Variants in CSDE1 observed in about 807,000 individuals in gnomAD.
CSDE1 encodes cold shock domain containing E1.
CSDE1 carries 17 observed loss-of-function variants against 89.3 expected under a neutral mutation model. The observed-to-expected ratio is 0.19, with a 90% CI of 0.13 to 0.29. CSDE1 has a LOEUF of 0.29. Ranked by LOEUF, CSDE1 falls within the 10% of genes least tolerant of loss-of-function variation. The pLI is 1.00. For missense variants in CSDE1, 672 were observed against 984.2 expected (o/e 0.68, Z 4.24); for synonymous variants, 322 against 332.8 (o/e 0.97, Z 0.35).
At position 114,720,227 on chromosome 1, in the gene CSDE1, G is replaced by A. The variant is rs567701752; in HGVS notation, c.2052+312C>T. 70 of 256,788 alleles carry A rather than the reference G, an allele frequency of 2.7e-4. 1 individual carries two copies. The highest frequency in any genetic ancestry group is 1.3e-3 in the Middle Eastern group (1 of 796). The allele number at this position is 256,788 out of a possible 1,614,324, so 15.9% of individuals were successfully genotyped here. ...CGTGGTTTCTGTGTTTGTGTGATATGCAAAAGAAGCTCTAAGCAAAAGTGT... is the reference window on the plus strand; with the variant it reads ...CGTGGTTTCTGTGTTTGTGTGATATACAAAAGAAGCTCTAAGCAAAAGTGT... On this transcript the variant is annotated intron_variant, in intron 17 of 19. Coordinates refer to ENST00000358528, the MANE Select transcript of CSDE1 (RefSeq NM_001007553.3).
rs566151266 is a variant in CSDE1, at chr1:114,744,431, A to C, written c.1-4541T>G. Among the ~76,000 whole-genome samples the C allele has an allele frequency of 2.5e-4, 38 of 152,158 alleles. 2 individuals carry two copies. The South Asian group carries it at 7.9e-3, about 32-fold the overall frequency. ...CCTGTCTCTACAAAAAAATACAAAA[A>C]TTAGCCAAAATTAGCTGGATGCCTA... is the stretch of plus-strand genomic sequence containing the variant. On this transcript the variant is annotated intron_variant, in intron 2 of 19. Coordinates refer to ENST00000358528, the MANE Select transcript of CSDE1 (RefSeq NM_001007553.3).
intron 3 of CSDE1, among the ~76,000 whole-genome samples, chr1:114,738,658 A>C (rs1660540023): frequency 7.1e-6 from 1 of 141,836 alleles, no homozygotes; most frequent in African/African-American, 2.7e-5. Flanking sequence ...TCACATGTAA[A>C]AACTTTTTTT....
intron 6 of CSDE1, among the ~76,000 whole-genome samples, chr1:114,736,427 C>T (rs959427235): frequency 1.3e-5 from 2 of 152,220 alleles, no homozygotes. Flanking sequence ...CATGATACTT[C>T]TAATCATAAT....
chr1:114,738,661 C>CTT (rs752985259), intron 3 of CSDE1, among the ~76,000 whole-genome samples: 1,600 of 80,054 alleles, frequency 0.02, 249 homozygotes, highest in South Asian at 0.04. Context: ...CATGTAAAAA[C>CTT]TTTTTTTTTT....
At chr1:114,731,860 G>A (rs888279003) in intron 10 of CSDE1, among the ~76,000 whole-genome samples, 4 of 152,174 alleles carry the variant, frequency 2.6e-5, no homozygotes, top group Non-Finnish European at 5.9e-5. Context: ...TGTCACCCAG[G>A]TTGCAGGGCA....
intron 2 of CSDE1, among the ~76,000 whole-genome samples, chr1:114,745,466 A>G (rs1406977684): frequency 1.3e-5 from 2 of 152,218 alleles, no homozygotes; most frequent in Non-Finnish European, 2.9e-5. Flanking sequence ...AAATGTATTT[A>G]AAGACCAGAA....
At chr1:114,729,524 A>G (rs983332742) in intron 12 of CSDE1, among the ~76,000 whole-genome samples, 4 of 151,946 alleles carry the variant, frequency 2.6e-5, no homozygotes, top group Non-Finnish European at 4.4e-5. Context: ...CAAAAAAAAA[A>G]AAAAAAAAAT....
chr1:114,734,735 T>C (rs1016227837), intron 6 of CSDE1, among the ~76,000 whole-genome samples: 1 of 152,148 alleles, frequency 6.6e-6, no homozygotes, highest in Admixed American at 6.6e-5. Context: ...GTTTGGCAAA[T>C]ATATATATAG....
At chr1:114,734,671 G>C (rs1488168671) in intron 6 of CSDE1, 148 bp from the exon 7 acceptor site, 1 of 611,928 alleles carries the variant, frequency 1.6e-6, no homozygotes, top group Non-Finnish European at 2.8e-6. Flanking sequence ...TATGACATTT[G>C]ATTATTTTCA....
chr1:114,736,051 G>A (rs1427180641), intron 6 of CSDE1, among the ~76,000 whole-genome samples: 2 of 152,020 alleles, frequency 1.3e-5, no homozygotes, highest in Non-Finnish European at 2.9e-5. Context: ...CCAGTTTATG[G>A]TACCATCATC....
rs1207364038 is a variant in CSDE1 at position 114,726,205 on chromosome 1, C to T, written c.1640+6G>A. 1.9e-6 allele frequency: 3 copies of T among 1,598,424 alleles called. No individual in the cohort carries two copies. In the African/African-American group the frequency reaches 4.0e-5, roughly 22 times the overall value. ...AGCTGTAAAGTTCCTGAAAGTCACG[C>T]CTTACCTGTAATGGAAAAAGATTTC... On this transcript the variant is annotated splice_donor_region_variant and intron_variant, in intron 14 of 19. Transcript: ENST00000358528.
rs75854574 is a variant in CSDE1 at position 114,733,622 on chromosome 1, T to A, written c.837+110A>T. 3.2e-3 allele frequency: 2,846 copies of A among 900,270 alleles called. 74 individuals carry two copies. The East Asian group carries it at 0.063, about 20-fold the overall frequency. 55.8% of individuals were successfully genotyped at this position (900,270 alleles called of 1,614,324 possible). A position where few individuals can be genotyped will look rare whatever the true frequency, so the allele number is the denominator to read the frequency against. On this transcript the variant is annotated intron_variant, in intron 9 of 19. Transcript: ENST00000358528. ...ATACGTAACAAGAGGTCCTTAGTTGTTCCACTACCACATTATATTAACTGA... is the reference window on the plus strand; with the variant it reads ...ATACGTAACAAGAGGTCCTTAGTTGATCCACTACCACATTATATTAACTGA...
At chr1:114,723,376 A>G (rs777829005) in intron 16 of CSDE1, among the ~76,000 whole-genome samples, 2 of 152,156 alleles carry the variant, frequency 1.3e-5, no homozygotes, top group Non-Finnish European at 2.9e-5. Flanking sequence ...GGGAAAAAAG[A>G]AGAAGAAAGT....
intron 9 of CSDE1, 71 bp from the exon 10 acceptor site, chr1:114,732,887 A>C: frequency 2.3e-6 from 3 of 1,297,760 alleles, no homozygotes; most frequent in Non-Finnish European, 3.3e-6. Context: ...AACAAGAAGA[A>C]CACATAGTAA....
rs375864009 is a variant in CSDE1 at position 114,733,974 on chromosome 1, AACTG to A, written c.711+11_711+14del. ...ATCTTAAAAGGCCAAAGATCAAGTT[AACTG>A]ACTGTCTTACATTTCTGTCCTTGAT... On this transcript the variant is annotated intron_variant, in intron 8 of 19. Transcript: ENST00000358528. The A allele has an allele frequency of 8.1e-6, 13 of 1,608,870 alleles. No individual in the cohort carries two copies. Among genetic ancestry groups the A allele is most frequent in the African/African-American group, 5.4e-5 (4 of 74,752 alleles).
intron 12 of CSDE1, among the ~76,000 whole-genome samples, chr1:114,728,555 G>A (rs1659924907): frequency 6.6e-6 from 1 of 152,078 alleles, no homozygotes; most frequent in Admixed American, 6.6e-5. Context: ...AAAAATGGCA[G>A]GGAAAGTCTC....
At chr1:114,754,098 C>G (rs1386140641) in intron 1 of CSDE1, among the ~76,000 whole-genome samples, 1 of 152,212 alleles carries the variant, frequency 6.6e-6, no homozygotes, top group Non-Finnish European at 1.5e-5. Flanking sequence ...AAGCGATTCT[C>G]CTGCCTCAGC....
chr1:114,733,468 G>A (rs1175414985), intron 9 of CSDE1, among the ~76,000 whole-genome samples: 1 of 150,504 alleles, frequency 6.6e-6, no homozygotes, highest in Non-Finnish European at 1.5e-5. Context: ...GGAGGTTGCA[G>A]TGAGCCGAGA....
chr1:114,717,821 T>C lies in CSDE1; in HGVS notation c.*348A>G. Reference sequence around the variant, plus strand: ...GAGTATATAATGAAAAGTGCAGAATTTCATAGGGCCAACAAGATAACAGTC... The same window carrying C: ...GAGTATATAATGAAAAGTGCAGAATCTCATAGGGCCAACAAGATAACAGTC... On this transcript the variant is annotated 3_prime_UTR_variant, in exon 20 of 20. Coordinates refer to ENST00000358528, the MANE Select transcript of CSDE1 (RefSeq NM_001007553.3). The C allele has an allele frequency of 3.8e-6, 1 of 260,660 alleles. No individual in the cohort carries two copies. The highest frequency in any genetic ancestry group is 8.4e-5 in the South Asian group (1 of 11,926). The allele number at this position is 260,660 out of a possible 1,614,324, so 16.1% of individuals were successfully genotyped here. A position where few individuals can be genotyped will look rare whatever the true frequency, so the allele number is the denominator to read the frequency against.
Sources: gnomAD v4.1 joint callset for allele counts (sites outside exome capture counted in the v4.1 genomes callset) on GRCh38, gnomAD v4.1.1 for gene constraint, MANE v1.5 for transcripts, NCBI Gene and HGNC (gene_info 2026-07-23, HGNC 2026-07-21) for gene names.